The following OSMR variants were observed in gnomAD, a reference collection of about 807,000 sequenced individuals.
OSMR encodes oncostatin M receptor, also known as oncostatin-M-specific receptor subunit beta.
A neutral mutation model predicts 99.9 loss-of-function variants in OSMR; 81 were observed. That is an observed-to-expected ratio of 0.81 (90% CI 0.68 to 0.97). The LOEUF is 0.97. Ranked by LOEUF, OSMR falls within the 50% of genes least tolerant of loss-of-function variation. The pLI, the probability that OSMR is intolerant of heterozygous loss-of-function variation, is 0.00. For synonymous variants in OSMR, 406 were observed against 410.4 expected (o/e 0.99, Z 0.13); for missense variants, 1,099 against 1,153.4 (o/e 0.95, Z 0.68).
At chr5:38,857,647 T>G (rs1056710238) in intron 1 of OSMR, among the ~76,000 whole-genome samples, 1 of 152,240 alleles carries the variant, frequency 6.6e-6, no homozygotes, top group African/African-American at 2.4e-5. Flanking sequence ...CATTTAAAAC[T>G]CTCTCTTCTA....
At chr5:38,938,072 G>T, downstream of OSMR, 1 of 204,730 alleles carries the variant, frequency 4.9e-6, no homozygotes, top group Non-Finnish European at 1.0e-5. Context: ...AACCATTTGG[G>T]GACAAATCTT....
Position 38,887,979 on chromosome 5 carries a change from G to A in OSMR, c.991+1789G>A, listed in dbSNP as rs545624927. On this transcript the variant is annotated intron_variant, in intron 7 of 17. Coordinates refer to ENST00000274276, the MANE Select transcript of OSMR (RefSeq NM_003999.3). ...CGTTTCGCGCCGGTTTGGATAAAAC[G>A]ACACAGACACACGTGGAGTGGTTTT... Among the ~76,000 whole-genome samples the A allele has an allele frequency of 1.1e-4, 16 of 152,224 alleles. No individual in the cohort carries two copies. The South Asian group carries it at 2.9e-3, about 28-fold the overall frequency.
chr5:38,944,217 G>C (rs1747922241), exon 2 of OSMR: 1 of 605,004 alleles, frequency 1.7e-6, no homozygotes, highest in Admixed American at 2.1e-5. Context: ...TCAAAAGTCT[G>C]GCTTAATAGA....
At chr5:38,908,900 C>A (rs1430317336) in intron 9 of OSMR, among the ~76,000 whole-genome samples, 1 of 152,226 alleles carries the variant, frequency 6.6e-6, no homozygotes, top group African/African-American at 2.4e-5. Context: ...ACCACACTAG[C>A]ATCCTAGCAA....
Position 38,931,887 on chromosome 5 carries a change from G to A in OSMR, c.2217G>A (p.Ser739=), listed in dbSNP as rs549104124. The A allele has an allele frequency of 1.3e-5, 21 of 1,613,118 alleles. No homozygotes were observed. The highest frequency in any genetic ancestry group is 1.7e-4 in the Middle Eastern group (1 of 6,054). The change falls in exon 16 of 18, where the codon TCG becomes TCA. Residue 739 remains serine (S), a synonymous_variant. Transcript: ENST00000274276. ...TKVTTPDEHS[S]MLIHILLPMV... ...CCTTTCTTTTTCCTCGTTCAGCCTC[G>A]ATGCTGATTCATATCCTACTGCCCA... is the stretch of plus-strand genomic sequence containing the variant.
chr5:38,890,477 A>G lies in OSMR; in HGVS notation c.991+4287A>G, dbSNP rs189054068. 7.9e-5 allele frequency among the ~76,000 whole-genome samples: 12 copies of G among 152,286 alleles called. No individual in the cohort carries two copies. The East Asian group carries it at 2.1e-3, about 27-fold the overall frequency. On this transcript the variant is annotated intron_variant, in intron 7 of 17. Coordinates refer to ENST00000274276, the MANE Select transcript of OSMR (RefSeq NM_003999.3). Reference sequence around the variant, plus strand: ...TAGATTTTCAGTCTTTTAATTAGCTATTATATCACCCTAAGCAACTGCTAG... The same window carrying G: ...TAGATTTTCAGTCTTTTAATTAGCTGTTATATCACCCTAAGCAACTGCTAG...
intron 1 of OSMR, among the ~76,000 whole-genome samples, chr5:38,865,595 A>T (rs1028075861): frequency 1.3e-5 from 2 of 152,156 alleles, no homozygotes; most frequent in African/African-American, 4.8e-5. Flanking sequence ...AAGGATGGGG[A>T]CACCAGACAG....
At chr5:38,902,898 C>T (rs1744983846) in intron 7 of OSMR, among the ~76,000 whole-genome samples, 2 of 152,158 alleles carry the variant, frequency 1.3e-5, no homozygotes, top group Non-Finnish European at 1.5e-5. Context: ...TCCCCTGTTT[C>T]CACGCTTCTT....
At chr5:38,905,245 C>G (rs1342870596) in intron 9 of OSMR, among the ~76,000 whole-genome samples, 5 of 152,154 alleles carry the variant, frequency 3.3e-5, no homozygotes. Flanking sequence ...AATCCTAGCA[C>G]TTTGGGAGGC....
At chr5:38,892,219 C>G (rs1373833048) in intron 7 of OSMR, among the ~76,000 whole-genome samples, 3 of 152,192 alleles carry the variant, frequency 2.0e-5, no homozygotes, top group African/African-American at 7.2e-5. Flanking sequence ...GGCCCATAGC[C>G]TAACCTCCCT....
chr5:38,890,621 T>A (rs1744095244), intron 7 of OSMR, among the ~76,000 whole-genome samples: 1 of 151,854 alleles, frequency 6.6e-6, no homozygotes, highest in Non-Finnish European at 1.5e-5. Context: ...TTTTTTGTCT[T>A]ATCTTGGCTG....
chr5:38,885,589 A>C, intron 6 of OSMR, 105 bp downstream of exon 6: 2 of 1,451,340 alleles, frequency 1.4e-6, no homozygotes, highest in Non-Finnish European at 1.9e-6. Flanking sequence ...ATTTGAACAA[A>C]TATTTCAGAA....
chr5:38,853,152 C>T (rs1740560602), intron 1 of OSMR, among the ~76,000 whole-genome samples: 1 of 152,130 alleles, frequency 6.6e-6, no homozygotes, highest in African/African-American at 2.4e-5. Flanking sequence ...TTATATCATG[C>T]CTAACAGATT....
Position 38,933,667 on chromosome 5 carries a change from G to A in OSMR, c.*223G>A. 1.7e-6 allele frequency: 1 copy of A among 572,594 alleles called. No individual in the cohort carries two copies. Among genetic ancestry groups the A allele is most frequent in the Non-Finnish European group, 3.1e-6 (1 of 320,440 alleles). 35.5% of individuals were successfully genotyped at this position (572,594 alleles called of 1,614,324 possible). A position where few individuals can be genotyped will look rare whatever the true frequency, so the allele number is the denominator to read the frequency against. On this transcript the variant is annotated 3_prime_UTR_variant, in exon 18 of 18. Coordinates refer to ENST00000274276, the MANE Select transcript of OSMR (RefSeq NM_003999.3). ...AGAGACGGCAGGATCATGGGAGCAT[G>A]CTTACCTTCTGCTGTTTGTTCCAGG...
rs1275307124 is a variant in OSMR, at chr5:38,873,187, C to T, written c.74-3014C>T. 2.0e-5 allele frequency among the ~76,000 whole-genome samples: 3 copies of T among 152,228 alleles called. No homozygotes were observed. In the East Asian group the frequency reaches 5.8e-4, roughly 29 times the overall value. ...TGGCAATTTCATACAAATGGAATCACAGTATAAAACCTTTTGTATCTGGCT... is the reference window on the plus strand; with the variant it reads ...TGGCAATTTCATACAAATGGAATCATAGTATAAAACCTTTTGTATCTGGCT... On this transcript the variant is annotated intron_variant, in intron 2 of 17. Transcript: ENST00000274276.
At chr5:38,914,854 C>A (rs562681635) in intron 9 of OSMR, among the ~76,000 whole-genome samples, 2 of 152,190 alleles carry the variant, frequency 1.3e-5, no homozygotes, top group South Asian at 2.1e-4. Flanking sequence ...AGGGAGGGGG[C>A]AAGCGTTGAA....
At chr5:38,888,407 A>C (rs1316720121) in intron 7 of OSMR, among the ~76,000 whole-genome samples, 2 of 97,950 alleles carry the variant, frequency 2.0e-5, no homozygotes, top group African/African-American at 8.1e-5. Context: ...TGCACACTGA[A>C]GTTTGGGTGG....
chr5:38,861,918 G>T (rs1304408890), intron 1 of OSMR, among the ~76,000 whole-genome samples: 2 of 138,906 alleles, frequency 1.4e-5, no homozygotes, highest in Non-Finnish European at 3.2e-5. Flanking sequence ...TGGCCGGGCG[G>T]GGGGCTGACC....
In OSMR at chr5:38,934,729, T is replaced by A. The variant is rs1746937285; in HGVS notation, c.*1285T>A. On this transcript the variant is annotated 3_prime_UTR_variant, in exon 18 of 18. Transcript: ENST00000274276. ...CATATTGGCCAGGCTGGTCTCAAAC[T>A]CCTGACCGCAGGTGATCCACCTGCC... The A allele has an allele frequency of 6.6e-6, 1 of 152,210 alleles. No homozygotes were observed. Among genetic ancestry groups the A allele is most frequent in the Admixed American group, 6.5e-5 (1 of 15,272 alleles). The allele number at this position is 152,210 out of a possible 1,614,324, so 9.4% of individuals were successfully genotyped here. A position where few individuals can be genotyped will look rare whatever the true frequency, so the allele number is the denominator to read the frequency against.
Sources: gnomAD v4.1 joint callset for allele counts (sites outside exome capture counted in the v4.1 genomes callset) on GRCh38, gnomAD v4.1.1 for gene constraint, MANE v1.5 for transcripts, NCBI Gene and HGNC (gene_info 2026-07-23, HGNC 2026-07-21) for gene names.